CUX2: variants seen among roughly 807,000 people sequenced by gnomAD.
CUX2 encodes cut like homeobox 2, also known as homeobox protein cut-like 2.
Under a neutral mutation model 144.8 loss-of-function variants are expected in CUX2, and 40 were observed. The observed-to-expected ratio is 0.28, with a 90% CI of 0.21 to 0.36. The LOEUF is 0.36. Ranked by LOEUF, CUX2 falls within the 10% of genes least tolerant of loss-of-function variation. The probability of loss-of-function intolerance (pLI) is 1.00; values close to 1 mark genes in which losing one functional copy is unlikely to be tolerated. For missense variants in CUX2, 1,615 were observed against 1,994.0 expected (o/e 0.81, Z 3.62); for synonymous variants, 827 against 875.6 (o/e 0.94, Z 0.98).
At chr12:111,227,223 G>A (rs1882198366) in intron 3 of CUX2, among the ~76,000 whole-genome samples, 2 of 152,208 alleles carry the variant, frequency 1.3e-5, no homozygotes, top group South Asian at 2.1e-4. Flanking sequence ...TTTGAGTACC[G>A]ACTGGGTGTC....
chr12:111,079,850 C>T (rs1393158615), intron 1 of CUX2, among the ~76,000 whole-genome samples: 1 of 152,168 alleles, frequency 6.6e-6, no homozygotes, highest in Non-Finnish European at 1.5e-5. Context: ...CCTCACTTCA[C>T]AGCTCTCCCT....
intron 1 of CUX2, among the ~76,000 whole-genome samples, chr12:111,055,385 C>T (rs1041884309): frequency 1.3e-5 from 2 of 152,246 alleles, no homozygotes; most frequent in Non-Finnish European, 2.9e-5. Context: ...CTGGGACCCT[C>T]GGGCCAGCAG....
chr12:111,225,901 G>A (rs188046753), intron 3 of CUX2, among the ~76,000 whole-genome samples: 31 of 152,270 alleles, frequency 2.0e-4, no homozygotes, highest in Admixed American at 3.9e-4. Context: ...TGCAGCTCAC[G>A]TCAGATATAA....
rs116269817 is a variant in CUX2, at chr12:111,183,002, G to A, written c.64-31198G>A. Among the ~76,000 whole-genome samples, 349 of 152,258 alleles carry A rather than the reference G, an allele frequency of 2.3e-3. 2 individuals carry two copies. The highest frequency in any genetic ancestry group is 8.1e-3 in the African/African-American group (335 of 41,562). Reference sequence around the variant, plus strand: ...TGCACCTTCCTCCTTCAATCTGCCCGGGTACCTTGGGAGGAGGTTATAATT... The same window carrying A: ...TGCACCTTCCTCCTTCAATCTGCCCAGGTACCTTGGGAGGAGGTTATAATT... On this transcript the variant is annotated intron_variant, in intron 1 of 21. Coordinates refer to ENST00000261726, the MANE Select transcript of CUX2 (RefSeq NM_015267.4).
intron 3 of CUX2, among the ~76,000 whole-genome samples, chr12:111,218,992 G>A (rs189871234): frequency 3.9e-5 from 6 of 152,156 alleles, no homozygotes; most frequent in East Asian, 1.9e-4. Context: ...TTTCTAAAGC[G>A]TTCCATCTTG....
Position 111,320,006 on chromosome 12 carries a change from C to T in CUX2, c.2003-6C>T. 1 of 1,503,302 alleles carries T rather than the reference C, an allele frequency of 6.7e-7. No homozygotes were observed. The highest frequency in any genetic ancestry group is 8.8e-7 in the Non-Finnish European group (1 of 1,132,832). The allele number at this position is 1,503,302 out of a possible 1,614,324, so 93.1% of individuals were successfully genotyped here. A position where few individuals can be genotyped will look rare whatever the true frequency, so the allele number is the denominator to read the frequency against. Reference sequence around the variant, plus strand: ...GCCTCGGGCCGTCCTGTCCCCCTCCCCGCAGGCGAGCCCAAGACCTCGGTG... The same window carrying T: ...GCCTCGGGCCGTCCTGTCCCCCTCCTCGCAGGCGAGCCCAAGACCTCGGTG... On this transcript the variant is annotated splice_region_variant and splice_polypyrimidine_tract_variant and intron_variant, in intron 16 of 21. Coordinates refer to ENST00000261726, the MANE Select transcript of CUX2 (RefSeq NM_015267.4). This position sits in a 1 kb window ranked among gnomAD's most constrained non-coding sequence, Gnocchi z 8.1.
rs1199859437 is a variant in CUX2, at chr12:111,310,730, A to G, written c.1900+48A>G. The G allele has an allele frequency of 3.5e-5, 54 of 1,537,796 alleles. No homozygotes were observed. The highest frequency in any genetic ancestry group is 4.7e-5 in the Non-Finnish European group (54 of 1,140,182). On this transcript the variant is annotated intron_variant, in intron 15 of 21. Transcript: ENST00000261726. This position sits in a 1 kb window ranked among gnomAD's most constrained non-coding sequence, Gnocchi z 7.9. ...CCCCGCTGGCCACCACGCCAGGTCCAGGGCATCAGGGCTGGGGGCTGAGGA... is the reference window on the plus strand; with the variant it reads ...CCCCGCTGGCCACCACGCCAGGTCCGGGGCATCAGGGCTGGGGGCTGAGGA...
intron 5 of CUX2, among the ~76,000 whole-genome samples, chr12:111,291,832 A>G (rs1346025100): frequency 6.6e-6 from 1 of 152,100 alleles, no homozygotes; most frequent in Non-Finnish European, 1.5e-5. Flanking sequence ...GGTGGAGAGA[A>G]AAGTCAACAG....
chr12:111,215,239 T>C (rs955707365), intron 2 of CUX2, among the ~76,000 whole-genome samples: 1 of 152,088 alleles, frequency 6.6e-6, no homozygotes, highest in African/African-American at 2.4e-5. Flanking sequence ...AGTTACACTC[T>C]GCCAGTCTGA....
At chr12:111,078,741 A>G (rs982057295) in intron 1 of CUX2, among the ~76,000 whole-genome samples, 1 of 152,058 alleles carries the variant, frequency 6.6e-6, no homozygotes, top group African/African-American at 2.4e-5. Flanking sequence ...ACAGGTTTTG[A>G]ACAGGGGGGT....
In CUX2 at chr12:111,348,335, GA is replaced by G. The variant is rs767031141; in HGVS notation, c.*11del. On this transcript the variant is annotated 3_prime_UTR_variant, in exon 22 of 22. Transcript: ENST00000261726. ...GGAGTGGGAGTTCTGAAGGCAGGGT[GA>G]GGGGGCAAGGGACATACCCTGGTAA... 6.9e-6 allele frequency: 11 copies of G among 1,603,410 alleles called. No individual in the cohort carries two copies. The Admixed American group carries it at 1.8e-4, about 27-fold the overall frequency.
At chr12:111,317,374 T>C (rs10774617) in intron 16 of CUX2, among the ~76,000 whole-genome samples, 63,021 of 152,112 alleles carry the variant, frequency 0.41, 18,435 homozygotes, top group East Asian at 0.89. Flanking sequence ...TGGCCTTCTC[T>C]CAGGTGTCTG....
intron 1 of CUX2, among the ~76,000 whole-genome samples, chr12:111,202,892 C>A (rs1024364291): frequency 1.3e-5 from 2 of 152,042 alleles, no homozygotes; most frequent in South Asian, 4.2e-4. Flanking sequence ...AAAGAGGGAG[C>A]AGCCAGTGCA....
intron 1 of CUX2, among the ~76,000 whole-genome samples, chr12:111,097,326 G>T (rs1248705305): frequency 1.3e-5 from 2 of 152,186 alleles, no homozygotes; most frequent in Admixed American, 6.5e-5. Flanking sequence ...ATCTCCCACT[G>T]CTTCCTGTTC....
intron 1 of CUX2, among the ~76,000 whole-genome samples, chr12:111,132,567 T>G (rs1875565431): frequency 7.6e-6 from 1 of 130,908 alleles, no homozygotes; most frequent in Non-Finnish European, 1.6e-5. Context: ...CTTTTTTTTT[T>G]TTTTTTTTTT....
At position 111,295,369 on chromosome 12, in the gene CUX2, A is replaced by G; in HGVS notation, c.597A>G (p.Arg199=). Residue 199 remains arginine (R), a synonymous_variant, in exon 7 of 22, where the codon AGA becomes AGG. Coordinates refer to ENST00000261726, the MANE Select transcript of CUX2 (RefSeq NM_015267.4). The surrounding 1 kb of genome is among the most constrained non-coding windows in gnomAD (Gnocchi z 5.0). ...AAGTACAGATCACTTTGGCGGCCAG[A>G]CTGGGGGAGGCAGAGGAGAAAATCA... The part of the protein sequence containing the change: ...LQEVQITLAA[R]LGEAEEKIKV... 2 of 1,612,972 alleles carry G rather than the reference A, an allele frequency of 1.2e-6. No homozygotes were observed. The highest frequency in any genetic ancestry group is 1.7e-6 in the Non-Finnish European group (2 of 1,179,576).
intron 4 of CUX2, among the ~76,000 whole-genome samples, chr12:111,274,985 CCAATAGCA>C (rs1884796598): frequency 6.6e-6 from 1 of 151,928 alleles, no homozygotes; most frequent in Admixed American, 6.6e-5. Flanking sequence ...AAAAAAACCA[CCAATAGCA>C]TCAGCTAGTG....
intron 3 of CUX2, among the ~76,000 whole-genome samples, chr12:111,238,838 C>A (rs1250350125): frequency 1.3e-5 from 2 of 152,038 alleles, no homozygotes; most frequent in East Asian, 3.9e-4. Flanking sequence ...TTAGGTCAGG[C>A]GTTTGCAACC....
intron 1 of CUX2, among the ~76,000 whole-genome samples, chr12:111,047,187 C>A (rs897409549): frequency 4.6e-5 from 7 of 152,172 alleles, no homozygotes; most frequent in African/African-American, 1.7e-4. Context: ...CTGCATTCCG[C>A]GAGATGGAAT....
Sources: allele counts gnomAD v4.1 joint callset (sites outside exome capture counted in the v4.1 genomes callset), GRCh38; gene constraint gnomAD v4.1.1; non-coding constraint Gnocchi (gnomAD v3.1); transcripts MANE v1.5; gene names NCBI Gene and HGNC (gene_info 2026-07-23, HGNC 2026-07-21).